Variants in ANKRD17 observed in about 807,000 individuals in gnomAD.
ANKRD17 encodes the protein ankyrin repeat domain 17.
A neutral mutation model predicts 229.7 loss-of-function variants in ANKRD17; 19 were observed. The ratio of observed to expected loss-of-function variants is 0.08; its 90% CI spans 0.06 to 0.12. The LOEUF is 0.12. ANKRD17 is among the 10% of genes least tolerant of loss of function. ANKRD17 has a pLI of 1.00. For missense variants in ANKRD17, 2,176 were observed against 3,176.8 expected, an observed-to-expected ratio of 0.68 and a Z score of 7.57; for synonymous variants, 1,112 against 1,146.1, an observed-to-expected ratio of 0.97 and a Z score of 0.60.
At chr4:73,195,883 T>C (rs1163480135) in intron 1 of ANKRD17, among the ~76,000 whole-genome samples, 1 of 152,088 alleles carries the variant, frequency 6.6e-6, no homozygotes, top group Non-Finnish European at 1.5e-5. Context: ...TGTATATGGG[T>C]GGGATGGGAG....
chr4:73,130,298 T>A (rs1271611112), intron 16 of ANKRD17, among the ~76,000 whole-genome samples: 2 of 152,142 alleles, frequency 1.3e-5, no homozygotes, highest in Admixed American at 1.3e-4. Flanking sequence ...GTAGAATGCA[T>A]GTATTTTAAA....
intron 1 of ANKRD17, among the ~76,000 whole-genome samples, chr4:73,245,962 A>C (rs1420843958): frequency 2.0e-5 from 3 of 152,200 alleles, no homozygotes; most frequent in Non-Finnish European, 4.4e-5. Context: ...CTTGAACTTT[A>C]AGTAACCCTA....
intron 1 of ANKRD17, among the ~76,000 whole-genome samples, chr4:73,246,267 A>G (rs1744491066): frequency 6.6e-6 from 1 of 152,172 alleles, no homozygotes; most frequent in South Asian, 2.1e-4. Flanking sequence ...TGTACTTCCT[A>G]TTCTTCCCTT....
intron 1 of ANKRD17, among the ~76,000 whole-genome samples, chr4:73,201,679 T>C (rs1446093845): frequency 6.6e-6 from 1 of 152,226 alleles, no homozygotes; most frequent in Non-Finnish European, 1.5e-5. Context: ...TGAGATTTTG[T>C]AATTAAGTTT....
At chr4:73,183,379 TAAAG>T (rs1735841219) in intron 1 of ANKRD17, among the ~76,000 whole-genome samples, 1 of 152,214 alleles carries the variant, frequency 6.6e-6, no homozygotes, top group African/African-American at 2.4e-5. Flanking sequence ...ATCAAATACT[TAAAG>T]AAAACAAAGC....
At chr4:73,167,844 C>T (rs1733434331) in intron 2 of ANKRD17, among the ~76,000 whole-genome samples, 2 of 152,098 alleles carry the variant, frequency 1.3e-5, no homozygotes, top group Admixed American at 6.5e-5. Context: ...CAAGTTTAAC[C>T]ATGAATCCTT....
At chr4:73,208,621 G>A in intron 1 of ANKRD17, among the ~76,000 whole-genome samples, 1 of 152,144 alleles carries the variant, frequency 6.6e-6, no homozygotes, top group East Asian at 1.9e-4. Context: ...AACAGCCTTA[G>A]GCATTAGAGA....
intron 1 of ANKRD17, among the ~76,000 whole-genome samples, chr4:73,254,024 G>A (rs549033609): frequency 1.3e-5 from 2 of 152,236 alleles, no homozygotes; most frequent in South Asian, 4.2e-4. Flanking sequence ...ACAGACTACT[G>A]CTTCAAAGAT....
chr4:73,207,107 A>AGTG (rs1739571093), intron 1 of ANKRD17, among the ~76,000 whole-genome samples: 1 of 152,200 alleles, frequency 6.6e-6, no homozygotes, highest in Non-Finnish European at 1.5e-5. Flanking sequence ...TACAGGCATG[A>AGTG]GCCACCGTGC....
At chr4:73,185,345 T>G (rs1025223439) in intron 1 of ANKRD17, among the ~76,000 whole-genome samples, 4 of 151,916 alleles carry the variant, frequency 2.6e-5, no homozygotes, top group Non-Finnish European at 5.9e-5. Flanking sequence ...TATTTATCAC[T>G]GAATCTCAAA....
At chr4:73,137,153 T>C (rs1466257676) in intron 15 of ANKRD17, among the ~76,000 whole-genome samples, 4 of 152,048 alleles carry the variant, frequency 2.6e-5, no homozygotes, top group Admixed American at 1.3e-4. Context: ...AAGAAACAAA[T>C]GTAAAATATG....
intron 1 of ANKRD17, among the ~76,000 whole-genome samples, chr4:73,219,497 C>T (rs904613870): frequency 1.3e-5 from 2 of 152,128 alleles, no homozygotes; most frequent in Admixed American, 6.5e-5. Context: ...GGAAATGATG[C>T]CTTCCTTGAG....
chr4:73,076,912 T>C, intron 33 of ANKRD17, 28 bp downstream of exon 33: 1 of 1,585,186 alleles, frequency 6.3e-7, no homozygotes, highest in Non-Finnish European at 8.6e-7. Flanking sequence ...ACAAAACAAC[T>C]GTTTATTCAC....
chr4:73,202,118 GT>G (rs1738748957), intron 1 of ANKRD17, among the ~76,000 whole-genome samples: 1 of 152,020 alleles, frequency 6.6e-6, no homozygotes, highest in South Asian at 2.1e-4. Flanking sequence ...CCACCAATCA[GT>G]AGTTCAAATA....
Position 73,222,897 on chromosome 4 carries a change from T to C in ANKRD17, c.393+35379A>G, listed in dbSNP as rs530774859. On this transcript the variant is annotated intron_variant, in intron 1 of 33. Coordinates refer to ENST00000358602, the MANE Select transcript of ANKRD17 (RefSeq NM_032217.5). ...TTTGCTCTCTCCTCTAATCTATTCA[T>C]CTGTAAAATAATTCCGGCAGATAAG... 33 of 1,159,276 alleles carry C rather than the reference T, an allele frequency of 2.8e-5. No homozygotes were observed. In the South Asian group the frequency reaches 3.7e-4, roughly 13 times the overall value. 71.8% of individuals were successfully genotyped at this position (1,159,276 alleles called of 1,614,324 possible).
At position 73,074,070 on chromosome 4, in the gene ANKRD17, C is replaced by T. The variant is rs113449523; in HGVS notation, c.*2161G>A. 2 of 151,926 alleles carry T rather than the reference C, an allele frequency of 1.3e-5. No individual in the cohort carries two copies. The highest frequency in any genetic ancestry group is 2.9e-5 in the Non-Finnish European group (2 of 67,862). 9.4% of individuals were successfully genotyped at this position (151,926 alleles called of 1,614,324 possible). Reference sequence around the variant, plus strand: ...TTAAAAATGTTCCTAGTACAGACTTCTAAAACCATGGTATTGTACTAAACA... The same window carrying T: ...TTAAAAATGTTCCTAGTACAGACTTTTAAAACCATGGTATTGTACTAAACA... On this transcript the variant is annotated 3_prime_UTR_variant, in exon 34 of 34. Transcript: ENST00000358602.
chr4:73,231,462 G>A (rs1169604219), intron 1 of ANKRD17, among the ~76,000 whole-genome samples: 1 of 152,132 alleles, frequency 6.6e-6, no homozygotes, highest in Non-Finnish European at 1.5e-5. Flanking sequence ...GCTATTTCCA[G>A]CCTAATCTAT....
At chr4:73,220,740 C>T (rs1223572775) in intron 1 of ANKRD17, among the ~76,000 whole-genome samples, 1 of 152,022 alleles carries the variant, frequency 6.6e-6, no homozygotes, top group Admixed American at 6.5e-5. Flanking sequence ...TAAGCATAAT[C>T]TACATAAAAT....
rs1322205237 is a variant in ANKRD17 at position 73,077,463 on chromosome 4, T to C, written c.7479A>G (p.Val2493=). 6.2e-7 allele frequency: 1 copy of C among 1,613,812 alleles called. No individual in the cohort carries two copies. The highest frequency in any genetic ancestry group is 8.5e-7 in the Non-Finnish European group (1 of 1,179,852). The change falls in exon 32 of 34, where the codon GTA becomes GTG. Residue 2493 remains valine (V), a synonymous_variant. Transcript: ENST00000358602. Reference sequence around the variant, plus strand: ...GCTCCATTGCTTGATGTTGTGAAAATACTCCTGGGTCAGACATCGGTCTGT... The same window carrying C: ...GCTCCATTGCTTGATGTTGTGAAAACACTCCTGGGTCAGACATCGGTCTGT... ...MIHRPMSDPG[V]FSQHQAMERD... is the part of the protein sequence containing the mutation.
Sources: gnomAD v4.1 joint callset for allele counts (sites outside exome capture counted in the v4.1 genomes callset) on GRCh38, gnomAD v4.1.1 for gene constraint, MANE v1.5 for transcripts, NCBI Gene and HGNC (gene_info 2026-07-23, HGNC 2026-07-21) for gene names.